The following UPB1 variants were observed in gnomAD, a reference collection of about 807,000 sequenced individuals.
The protein encoded by UPB1 is beta-ureidopropionase 1.
UPB1 carries 40 observed loss-of-function variants against 49.1 expected under a neutral mutation model. That is an observed-to-expected ratio of 0.81 (90% CI 0.63 to 1.06). The LOEUF (loss-of-function observed/expected upper bound fraction) is 1.06, where lower values mean the gene tolerates loss of function less well. Ranked by LOEUF, UPB1 falls within the 50% of genes least tolerant of loss-of-function variation. UPB1 has a pLI of 0.00. For synonymous variants in UPB1, 207 were observed against 198.2 expected (o/e 1.04, Z -0.38); for missense variants, 499 against 505.9 (o/e 0.99, Z 0.13).
intron 9 of UPB1, 30 bp downstream of exon 9, chr22:24,523,803 G>T (rs979066765): frequency 1.2e-6 from 2 of 1,613,744 alleles, no homozygotes; most frequent in Non-Finnish European, 8.5e-7. Flanking sequence ...GTTGTTGCCT[G>T]CTCCTCTGCT....
At chr22:24,499,869 G>A (rs8141985) in intron 1 of UPB1, among the ~76,000 whole-genome samples, 4,810 of 152,198 alleles carry the variant, frequency 0.032, 278 homozygotes, top group African/African-American at 0.11. Context: ...AGGCCTAACC[G>A]TGCTGACTCT....
At chr22:24,497,145 C>T (rs1301425355) in intron 1 of UPB1, among the ~76,000 whole-genome samples, 1 of 152,036 alleles carries the variant, frequency 6.6e-6, no homozygotes, top group Non-Finnish European at 1.5e-5. Flanking sequence ...GAAAGATGTC[C>T]AAGCTATGTG....
chr22:24,510,420 TC>T (rs1281532851), intron 3 of UPB1, among the ~76,000 whole-genome samples: 3 of 152,222 alleles, frequency 2.0e-5, no homozygotes, highest in Non-Finnish European at 4.4e-5. Flanking sequence ...ATTTTACCTA[TC>T]AGTTCATCTG....
intron 1 of UPB1, among the ~76,000 whole-genome samples, chr22:24,499,007 C>T (rs567494933): frequency 6.6e-6 from 1 of 152,346 alleles, no homozygotes; most frequent in Admixed American, 6.5e-5. Context: ...CTGTCTAAGG[C>T]AGTCACAGCA....
intron 5 of UPB1, among the ~76,000 whole-genome samples, chr22:24,513,939 T>A (rs1394707542): frequency 6.6e-6 from 1 of 152,062 alleles, no homozygotes; most frequent in Non-Finnish European, 1.5e-5. Flanking sequence ...AGGTGGCCCA[T>A]GTTTGTGTGT....
rs746122883 is a variant in UPB1 at position 24,515,299 on chromosome 22, C to G, written c.720C>G (p.Leu240=). The change falls in exon 6 of 10, where the codon CTC becomes CTG. Residue 240 remains leucine, a synonymous_variant. Transcript: ENST00000326010. The part of the protein sequence containing the change: ...VNICYGRHHP[L]NWLMYSINGA... Reference sequence around the variant, plus strand: ...TTTGCTACGGGCGGCACCACCCCCTCAACTGGCTTATGTACAGCATCAACG... The same window carrying G: ...TTTGCTACGGGCGGCACCACCCCCTGAACTGGCTTATGTACAGCATCAACG... 2.5e-6 allele frequency: 4 copies of G among 1,614,196 alleles called. No homozygotes were observed. In the Admixed American group the frequency reaches 6.7e-5, roughly 27 times the overall value.
intron 9 of UPB1, among the ~76,000 whole-genome samples, chr22:24,525,029 A>T (rs185711336): frequency 2.4e-4 from 37 of 152,294 alleles, no homozygotes; most frequent in African/African-American, 8.2e-4. Flanking sequence ...GGATGAATGT[A>T]GGATTCCACC....
In UPB1 at chr22:24,526,230, G is replaced by T; in HGVS notation, c.*436G>T. On this transcript the variant is annotated 3_prime_UTR_variant, in exon 10 of 10. Coordinates refer to ENST00000326010, the MANE Select transcript of UPB1 (RefSeq NM_016327.3). ...GGCTGTGGTGGGTCGGATGGTCTTT[G>T]GATGTGTCAGCTTAGCTAGGCCACA... is the stretch of plus-strand genomic sequence containing the variant. The T allele has an allele frequency of 7.3e-6, 2 of 273,758 alleles. No homozygotes were observed. Among genetic ancestry groups the T allele is most frequent in the Admixed American group, 5.0e-5 (1 of 20,164 alleles). The allele number at this position is 273,758 out of a possible 1,614,324, so 17.0% of individuals were successfully genotyped here.
intron 4 of UPB1, 89 bp downstream of exon 4, chr22:24,510,932 C>T: frequency 1.5e-6 from 2 of 1,346,362 alleles, no homozygotes; most frequent in South Asian, 1.2e-5. Context: ...GGCCTTTCAC[C>T]ATGGAAAATG....
Position 24,525,573 on chromosome 22 carries a change from C to T in UPB1, c.1072-138C>T. The T allele has an allele frequency of 3.1e-6, 3 of 967,046 alleles. 1 individual carries two copies. The allele number at this position is 967,046 out of a possible 1,614,324, so 59.9% of individuals were successfully genotyped here. ...TTTGCCACAGTACTAGAATCAGTGCCAAGAGGTCACTGTCAACGAGCCTTC... is the reference window on the plus strand; with the variant it reads ...TTTGCCACAGTACTAGAATCAGTGCTAAGAGGTCACTGTCAACGAGCCTTC... On this transcript the variant is annotated intron_variant, in intron 9 of 9. Transcript: ENST00000326010.
intron 9 of UPB1, 57 bp from the exon 10 acceptor site, chr22:24,525,654 A>G: frequency 6.2e-7 from 1 of 1,606,330 alleles, no homozygotes; most frequent in Non-Finnish European, 8.5e-7. Context: ...GTGGCGTGTA[A>G]GTGATGGGGA....
intron 2 of UPB1, among the ~76,000 whole-genome samples, chr22:24,501,916 G>T (rs186045012): frequency 7.2e-5 from 11 of 152,202 alleles, no homozygotes; most frequent in Non-Finnish European, 1.6e-4. Flanking sequence ...AACTGAGGCA[G>T]TGTCCAAGTG....
chr22:24,495,946 T>G (rs1005030137), intron 1 of UPB1, among the ~76,000 whole-genome samples: 1 of 152,182 alleles, frequency 6.6e-6, no homozygotes. Flanking sequence ...ATAGAGGCTG[T>G]CTGCATTTAG....
At chr22:24,516,148 G>A (rs2044289841) in intron 6 of UPB1, among the ~76,000 whole-genome samples, 2 of 152,244 alleles carry the variant, frequency 1.3e-5, no homozygotes, top group African/African-American at 4.8e-5. Flanking sequence ...AAGAGAAGCT[G>A]CAAATGAGGG....
rs1213801804 is a variant in UPB1, at chr22:24,502,129, T to C, written c.280T>C (p.Ser94Pro). 6.2e-7 allele frequency: 1 copy of C among 1,614,090 alleles called. No individual in the cohort carries two copies. Among genetic ancestry groups the C allele is most frequent in the Non-Finnish European group, 8.5e-7 (1 of 1,180,034 alleles). ...PANAPVAEQVSALHRRIKAIV... is the reference protein window; with the variant it reads ...PANAPVAEQVPALHRRIKAIV... Reference sequence around the variant, plus strand: ...CTAATCCTTTTTAAATTCTCAGGTCTCTGCCCTTCATAGACGCATAAAGGC... The same window carrying C: ...CTAATCCTTTTTAAATTCTCAGGTCCCTGCCCTTCATAGACGCATAAAGGC... The change falls in exon 3 of 10, where the codon TCT (serine) becomes CCT (proline). Residue 94 changes from serine to proline, a missense_variant. Ser to Pro is a moderately conservative substitution (Grantham distance 74, BLOSUM62 -1). Coordinates refer to ENST00000326010, the MANE Select transcript of UPB1 (RefSeq NM_016327.3).
At chr22:24,508,695 T>A (rs2044136768) in intron 3 of UPB1, among the ~76,000 whole-genome samples, 1 of 151,748 alleles carries the variant, frequency 6.6e-6, no homozygotes, top group Admixed American at 6.6e-5. Flanking sequence ...CTGGCCAACA[T>A]GATGAAAACC....
At chr22:24,506,673 T>C (rs2044097142) in intron 3 of UPB1, among the ~76,000 whole-genome samples, 1 of 152,248 alleles carries the variant, frequency 6.6e-6, no homozygotes, top group Non-Finnish European at 1.5e-5. Flanking sequence ...ACTCTCACTC[T>C]TCATTAGACT....
intron 8 of UPB1, among the ~76,000 whole-genome samples, chr22:24,522,278 G>A (rs41446544): frequency 0.054 from 8,274 of 152,256 alleles, 316 homozygotes; most frequent in Middle Eastern, 0.095. Flanking sequence ...CTGGTGTGAA[G>A]ATGAACCAAG....
intron 8 of UPB1, 31 bp from the exon 9 acceptor site, chr22:24,523,588 C>T (rs1408127380): frequency 1.2e-6 from 2 of 1,613,998 alleles, no homozygotes; most frequent in Admixed American, 1.7e-5. Flanking sequence ...TCTACACAAG[C>T]TCACAGATGT....
Sources: gnomAD v4.1 joint callset for allele counts (sites outside exome capture counted in the v4.1 genomes callset) on GRCh38, gnomAD v4.1.1 for gene constraint, MANE v1.5 for transcripts, NCBI Gene and HGNC (gene_info 2026-07-23, HGNC 2026-07-21) for gene names.